Variants in PDPR observed in about 807,000 individuals in gnomAD.
The protein encoded by PDPR is pyruvate dehydrogenase phosphatase regulatory subunit, mitochondrial.
In PDPR, 50 loss-of-function variants were observed where a neutral mutation model predicts 102.2. That is an observed-to-expected ratio of 0.49 (90% CI 0.39 to 0.62). PDPR has a LOEUF of 0.62. Among genes scored for constraint, PDPR ranks in the 20% least tolerant of loss-of-function variants. PDPR has a pLI of 0.00. For synonymous variants in PDPR, 259 were observed against 406.0 expected (o/e 0.64, Z 4.35); for missense variants, 625 against 1,098.2 (o/e 0.57, Z 6.09).
At chr16:70,143,448 C>T (rs1965933704) in intron 13 of PDPR, 62 bp from the exon 14 acceptor site, 1 of 1,580,906 alleles carries the variant, frequency 6.3e-7, no homozygotes, top group East Asian at 2.3e-5. Flanking sequence ...GCTGGTGGGG[C>T]CATGTGGCCC....
chr16:70,137,073 C>A (rs1965220792), intron 10 of PDPR, among the ~76,000 whole-genome samples: 1 of 151,806 alleles, frequency 6.6e-6, no homozygotes, highest in African/African-American at 2.4e-5. Context: ...AGACACTAGG[C>A]CGGGCGCAGT....
intron 11 of PDPR, among the ~76,000 whole-genome samples, chr16:70,141,572 A>G (rs1965715450): frequency 3.3e-5 from 5 of 152,256 alleles, no homozygotes; most frequent in Non-Finnish European, 1.5e-5. Flanking sequence ...TTTTGTTACC[A>G]CCTGTGTCCC....
At chr16:70,119,852 G>C (rs1963034459) in intron 2 of PDPR, among the ~76,000 whole-genome samples, 1 of 150,668 alleles carries the variant, frequency 6.6e-6, no homozygotes, top group African/African-American at 2.5e-5. Context: ...CTTGTTCACT[G>C]CTAGCAGAAT....
chr16:70,121,782 TAA>T (rs1186722875), intron 3 of PDPR, among the ~76,000 whole-genome samples: 1 of 151,806 alleles, frequency 6.6e-6, no homozygotes, highest in African/African-American at 2.4e-5. Context: ...TTTTTTTTTT[TAA>T]GATGGGGTCT....
intron 9 of PDPR, among the ~76,000 whole-genome samples, chr16:70,132,960 T>C (rs1021588717): frequency 3.9e-5 from 6 of 152,166 alleles, no homozygotes; most frequent in Admixed American, 6.5e-5. Context: ...TTACAGGTGC[T>C]TGCCACCATG....
At chr16:70,153,241 C>T in intron 17 of PDPR, 150 bp from the exon 18 acceptor site, 1 of 898,440 alleles carries the variant, frequency 1.1e-6, no homozygotes, top group Non-Finnish European at 1.7e-6. Flanking sequence ...TGGGCTGTGC[C>T]CTGAGCGTGT....
At chr16:70,151,102 T>C (rs925260205) in intron 17 of PDPR, among the ~76,000 whole-genome samples, 13 of 152,238 alleles carry the variant, frequency 8.5e-5, no homozygotes, top group Non-Finnish European at 1.5e-4. Flanking sequence ...ACTCGGCTAA[T>C]TTTTTGTATT....
Position 70,142,358 on chromosome 16 carries a change from G to A in PDPR, c.1440G>A (p.Glu480=). ...GGTGGATGGAGAAACATGGATTTGA[G>A]AGGCCAAAGTACTTTGTTCCCCCCG... ...GARWMEKHGF[E]RPKYFVPPDK... The change falls in exon 12 of 19, where the codon GAG becomes GAA. Residue 480 remains glutamate (E), a synonymous_variant. Coordinates refer to ENST00000288050, the MANE Select transcript of PDPR (RefSeq NM_017990.5). The A allele has an allele frequency of 6.2e-7, 1 of 1,614,060 alleles. No homozygotes were observed. Among genetic ancestry groups the A allele is most frequent in the Non-Finnish European group, 8.5e-7 (1 of 1,179,906 alleles).
chr16:70,129,289 G>A (rs1292666816), intron 6 of PDPR, among the ~76,000 whole-genome samples, 167 bp downstream of exon 6: 2 of 152,298 alleles, frequency 1.3e-5, no homozygotes, highest in Admixed American at 6.5e-5. Flanking sequence ...CTGTTAATGA[G>A]TGTTTTCCCT....
At chr16:70,156,034 C>A (rs1330609885) in intron 18 of PDPR, among the ~76,000 whole-genome samples, 4 of 152,236 alleles carry the variant, frequency 2.6e-5, no homozygotes, top group African/African-American at 9.6e-5. Flanking sequence ...GAACTATAGG[C>A]ACACTCCACC....
chr16:70,118,390 T>C (rs1456440239), intron 2 of PDPR, among the ~76,000 whole-genome samples: 1 of 152,254 alleles, frequency 6.6e-6, no homozygotes, highest in African/African-American at 2.4e-5. Flanking sequence ...ATAGCTGGGC[T>C]CTGAACCTGA....
chr16:70,151,142 G>A (rs140728056), intron 17 of PDPR, among the ~76,000 whole-genome samples: 1,622 of 151,994 alleles, frequency 0.011, 4 homozygotes, highest in African/African-American at 0.037. Context: ...CACCGTGTTG[G>A]CCAGGATGGT....
rs56353884 is a variant in PDPR at position 70,161,281 on chromosome 16, C to CA, written c.*4421dup. ...GGGTAACAGAGTGAGACTCTTGTCT[C>CA]AAAAAAAAAAAAAAAAAAATCTAAG... On this transcript the variant is annotated 3_prime_UTR_variant, in exon 19 of 19. Transcript: ENST00000288050. 0.11 allele frequency: 13,977 copies of CA among 130,562 alleles called. 153 individuals carry two copies. The highest frequency in any genetic ancestry group is 0.14 in the East Asian group (586 of 4,122). The allele number at this position is 130,562 out of a possible 1,614,324, so 8.1% of individuals were successfully genotyped here.
At chr16:70,121,914 A>G (rs1324312856) in intron 3 of PDPR, among the ~76,000 whole-genome samples, 2 of 152,194 alleles carry the variant, frequency 1.3e-5, no homozygotes, top group Non-Finnish European at 2.9e-5. Flanking sequence ...ACTGACATGC[A>G]CCACCACATC....
At chr16:70,141,963 G>A (rs1335777055) in intron 11 of PDPR, among the ~76,000 whole-genome samples, 3 of 152,224 alleles carry the variant, frequency 2.0e-5, no homozygotes, top group African/African-American at 7.2e-5. Flanking sequence ...AGTGTGGCAC[G>A]GTGACACGTG....
chr16:70,157,143 G>C lies in PDPR; in HGVS notation c.*264G>C. On this transcript the variant is annotated 3_prime_UTR_variant, in exon 19 of 19. Transcript: ENST00000288050. ...ACTCAGCTTCTCGTGGTGGCAGGAG[G>C]TATGTCTGACAGGACAGAAGCAAGC... 2 of 664,178 alleles carry C rather than the reference G, an allele frequency of 3.0e-6. No homozygotes were observed. The highest frequency in any genetic ancestry group is 5.5e-6 in the Non-Finnish European group (2 of 364,628). 41.1% of individuals were successfully genotyped at this position (664,178 alleles called of 1,614,324 possible). A position where few individuals can be genotyped will look rare whatever the true frequency, so the allele number is the denominator to read the frequency against.
At position 70,153,434 on chromosome 16, in the gene PDPR, A is replaced by G. The variant is rs1423225502; in HGVS notation, c.2096A>G (p.Lys699Arg). ...VYNEVMSVGQKYGIRNAGYYA... is the reference protein window; with the variant it reads ...VYNEVMSVGQRYGIRNAGYYA... ...AATGAAGTGATGAGTGTTGGCCAGA[A>G]ATACGGAATCCGGAATGCTGGGTAT... Residue 699 changes from lysine (K) to arginine (R), a missense_variant, in exon 18 of 19, where the codon AAA becomes AGA. Physicochemically the swap from Lys to Arg is conservative, Grantham distance 26. Transcript: ENST00000288050. 1 of 1,613,976 alleles carries G rather than the reference A, an allele frequency of 6.2e-7. No individual in the cohort carries two copies. Among genetic ancestry groups the G allele is most frequent in the South Asian group, 1.1e-5 (1 of 91,058 alleles).
chr16:70,156,195 A>T (rs551097538), intron 18 of PDPR: 711 of 483,960 alleles, frequency 1.5e-3, no homozygotes, highest in Non-Finnish European at 1.6e-3. Context: ...TTTTCTTCCT[A>T]AACGTTTTTG....
chr16:70,114,706 C>A (rs1300275036), intron 1 of PDPR, 115 bp from the exon 2 acceptor site: 1 of 152,444 alleles, frequency 6.6e-6, no homozygotes, highest in Non-Finnish European at 1.5e-5. Flanking sequence ...GCCTGCACTT[C>A]AGCCCCGATG....
Sources: allele counts gnomAD v4.1 joint callset (sites outside exome capture counted in the v4.1 genomes callset), GRCh38; gene constraint gnomAD v4.1.1; transcripts MANE v1.5; gene names NCBI Gene and HGNC (gene_info 2026-07-23, HGNC 2026-07-21).